Variants in RPS6KC1 observed in about 807,000 individuals in gnomAD.
RPS6KC1 encodes ribosomal protein S6 kinase C1.
Under a neutral mutation model 103.8 loss-of-function variants are expected in RPS6KC1, and 54 were observed. The observed-to-expected ratio is 0.52, with a 90% CI of 0.42 to 0.65. The LOEUF (loss-of-function observed/expected upper bound fraction) is 0.65, where lower values mean the gene tolerates loss of function less well. RPS6KC1 is among the 30% of genes least tolerant of loss of function. The pLI, the probability that RPS6KC1 is intolerant of heterozygous loss-of-function variation, is 0.00. For missense variants in RPS6KC1, 1,151 were observed against 1,253.8 expected (o/e 0.92, Z 1.24); for synonymous variants, 439 against 438.7 (o/e 1.00, Z -0.01).
At chr1:213,337,558 G>C in the RPS6KC1 span, among the ~76,000 whole-genome samples, 1 of 152,148 alleles carries the variant, frequency 6.6e-6, no homozygotes. Context: ...TGACTGATTT[G>C]ACCCCATGTT....
At chr1:213,649,380 T>C in the RPS6KC1 span, among the ~76,000 whole-genome samples, 32 of 151,766 alleles carry the variant, frequency 2.1e-4, no homozygotes, top group African/African-American at 7.7e-4. Flanking sequence ...CTCAACAGCC[T>C]CTGGGCCCCT....
chr1:213,190,386 C>T (rs1445663338), intron 8 of RPS6KC1, among the ~76,000 whole-genome samples: 3 of 152,126 alleles, frequency 2.0e-5, no homozygotes, highest in South Asian at 2.1e-4. Context: ...TTTTGATTTG[C>T]ATTTCTCTGA....
At chr1:213,660,285 A>C in the RPS6KC1 span, among the ~76,000 whole-genome samples, 1 of 152,154 alleles carries the variant, frequency 6.6e-6, no homozygotes, top group East Asian at 1.9e-4. Flanking sequence ...ATCTCTAGGG[A>C]ATGTAAAAAA....
At chr1:213,764,835 G>A in the RPS6KC1 span, among the ~76,000 whole-genome samples, 1 of 152,160 alleles carries the variant, frequency 6.6e-6, no homozygotes, top group Non-Finnish European at 1.5e-5. Flanking sequence ...AATTAGAAGG[G>A]CGAGTGTCTT....
chr1:213,081,314 G>T (rs2079858724), intron 3 of RPS6KC1, among the ~76,000 whole-genome samples: 1 of 152,174 alleles, frequency 6.6e-6, no homozygotes, highest in Non-Finnish European at 1.5e-5. Flanking sequence ...TGGCAGAAGG[G>T]GAATGAGAGG....
the RPS6KC1 span, among the ~76,000 whole-genome samples, chr1:213,499,443 T>C: frequency 6.6e-6 from 1 of 152,046 alleles, no homozygotes. Flanking sequence ...TGGGGGATGG[T>C]TTTGGGATGA....
intron 12 of RPS6KC1, among the ~76,000 whole-genome samples, chr1:213,261,338 C>T (rs183972205): frequency 1.3e-5 from 2 of 151,224 alleles, no homozygotes; most frequent in East Asian, 1.9e-4. Flanking sequence ...AACTGAAGAA[C>T]AAATGTCTGA....
At chr1:213,655,128 C>T in the RPS6KC1 span, among the ~76,000 whole-genome samples, 1 of 152,332 alleles carries the variant, frequency 6.6e-6, no homozygotes, top group South Asian at 2.1e-4. Context: ...CTGCAGCCTC[C>T]CCCTCCCAGG....
At chr1:213,310,703 G>T in the RPS6KC1 span, among the ~76,000 whole-genome samples, 2 of 152,186 alleles carry the variant, frequency 1.3e-5, no homozygotes, top group Non-Finnish European at 2.9e-5. Context: ...GAACACGAAC[G>T]TAGTCAATGC....
the RPS6KC1 span, among the ~76,000 whole-genome samples, chr1:213,787,720 G>T: frequency 3.2e-4 from 49 of 152,248 alleles, 1 homozygote; most frequent in South Asian, 9.5e-3. Flanking sequence ...GTAAAATTTT[G>T]TAACACTTTA....
chr1:213,594,134 G>A, the RPS6KC1 span, among the ~76,000 whole-genome samples: 1 of 152,104 alleles, frequency 6.6e-6, no homozygotes, highest in South Asian at 2.1e-4. Flanking sequence ...CAAAGTGTTG[G>A]GACTACAGGT....
the RPS6KC1 span, among the ~76,000 whole-genome samples, chr1:213,359,676 G>GT: frequency 1.3e-5 from 2 of 150,864 alleles, no homozygotes; most frequent in Admixed American, 6.6e-5. Flanking sequence ...ATTTGGCAGT[G>GT]TTTTTGCAGT....
At chr1:213,620,714 A>G in the RPS6KC1 span, among the ~76,000 whole-genome samples, 1 of 152,210 alleles carries the variant, frequency 6.6e-6, no homozygotes, top group Non-Finnish European at 1.5e-5. Flanking sequence ...TTTAGTTTGC[A>G]TGTAAAGAAA....
At chr1:213,639,411 G>A in the RPS6KC1 span, among the ~76,000 whole-genome samples, 1 of 152,008 alleles carries the variant, frequency 6.6e-6, no homozygotes, top group Non-Finnish European at 1.5e-5. Flanking sequence ...TCTCCTAGAT[G>A]GACATCCTAG....
intron 6 of RPS6KC1, among the ~76,000 whole-genome samples, chr1:213,163,782 C>A (rs1372307123): frequency 2.0e-5 from 3 of 152,012 alleles, no homozygotes; most frequent in East Asian, 3.9e-4. Flanking sequence ...AAGACCTGTT[C>A]TCTTTTACAT....
At position 213,051,374 on chromosome 1, in the gene RPS6KC1, G is replaced by C. The variant is rs767922964; in HGVS notation, c.-31G>C. 3 of 1,535,788 alleles carry C rather than the reference G, an allele frequency of 2.0e-6. No homozygotes were observed. In the Admixed American group the frequency reaches 5.1e-5, roughly 26 times the overall value. On this transcript the variant is annotated 5_prime_UTR_variant, in exon 1 of 15. Coordinates refer to ENST00000366960, the MANE Select transcript of RPS6KC1 (RefSeq NM_012424.6). The stretch of plus-strand genomic sequence containing the variant: ...CCGGGTTTCCCTCATGATCCCGGGC[G>C]GGTGGCGGCGGCGGCAGAGGCGGCG...
chr1:213,297,682 G>A, the RPS6KC1 span, among the ~76,000 whole-genome samples: 5,378 of 152,206 alleles, frequency 0.035, 126 homozygotes, highest in Middle Eastern at 0.061. Flanking sequence ...AGCCTGGAAT[G>A]TAGTGGTAAC....
In RPS6KC1 at chr1:213,235,930, G is replaced by T. The variant is rs1198246248; in HGVS notation, c.1225+3675G>T. Reference sequence around the variant, plus strand: ...AGCACCCCAGGTGAAAATGCTGATGGCTTGGACAAGGTATTAGTGTGTAGG... The same window carrying T: ...AGCACCCCAGGTGAAAATGCTGATGTCTTGGACAAGGTATTAGTGTGTAGG... On this transcript the variant is annotated intron_variant, in intron 10 of 14. Coordinates refer to ENST00000366960, the MANE Select transcript of RPS6KC1 (RefSeq NM_012424.6). Among the ~76,000 whole-genome samples, 5 of 152,292 alleles carry T rather than the reference G, an allele frequency of 3.3e-5. No individual in the cohort carries two copies. The East Asian group carries it at 7.7e-4, about 24-fold the overall frequency.
the RPS6KC1 span, among the ~76,000 whole-genome samples, chr1:213,772,297 G>A: frequency 1.3e-5 from 2 of 152,078 alleles, no homozygotes; most frequent in African/African-American, 2.4e-5. Context: ...CCACCATCTC[G>A]GCGCTGTGTT....
Sources: gnomAD v4.1 joint callset for allele counts (sites outside exome capture counted in the v4.1 genomes callset) on GRCh38, gnomAD v4.1.1 for gene constraint, MANE v1.5 for transcripts, NCBI Gene and HGNC (gene_info 2026-07-23, HGNC 2026-07-21) for gene names.